The following CSTPP1 variants were observed in gnomAD, a reference collection of about 807,000 sequenced individuals.
CSTPP1 encodes the protein UPF0705 protein C11orf49.
the CSTPP1 span, among the ~76,000 whole-genome samples, chr11:47,102,153 T>C: frequency 1.3e-5 from 2 of 152,146 alleles, no homozygotes; most frequent in Non-Finnish European, 2.9e-5. Flanking sequence ...TCAAATAGGA[T>C]TATTGTAAAA....
chr11:47,147,713 G>A, the CSTPP1 span, among the ~76,000 whole-genome samples: 41 of 152,256 alleles, frequency 2.7e-4, no homozygotes, highest in African/African-American at 5.3e-4. Flanking sequence ...TGTGACTAGC[G>A]TCAGAGAGGC....
the CSTPP1 span, among the ~76,000 whole-genome samples, chr11:47,070,670 G>A: frequency 1.3e-5 from 2 of 152,058 alleles, no homozygotes; most frequent in African/African-American, 2.4e-5. Context: ...TTTTGGTTGG[G>A]ACCCAGGCAT....
At chr11:47,157,103 T>C in the CSTPP1 span, 161 of 1,614,132 alleles carry the variant, frequency 1.0e-4, no homozygotes, top group Admixed American at 7.8e-4. Flanking sequence ...GCCGACGTCG[T>C]CCAGTGGGCA....
At chr11:46,953,032 G>C in the CSTPP1 span, among the ~76,000 whole-genome samples, 1 of 152,190 alleles carries the variant, frequency 6.6e-6, no homozygotes, top group East Asian at 1.9e-4. Flanking sequence ...GTGAGAAAAA[G>C]GCAGTGCCAC....
At chr11:47,039,200 C>T in the CSTPP1 span, among the ~76,000 whole-genome samples, 1 of 127,382 alleles carries the variant, frequency 7.9e-6, no homozygotes, top group Non-Finnish European at 1.9e-5. Context: ...CACTGCACTC[C>T]AGCCTGGGCA....
At chr11:46,991,683 C>A in the CSTPP1 span, 1 of 152,428 alleles carries the variant, frequency 6.6e-6, no homozygotes, top group Non-Finnish European at 1.5e-5. Context: ...ATTTTACTCC[C>A]CTCCCCATCT....
the CSTPP1 span, among the ~76,000 whole-genome samples, chr11:46,993,315 C>T: frequency 6.7e-6 from 1 of 150,122 alleles, no homozygotes; most frequent in Admixed American, 6.6e-5. Context: ...AGTCCTTGCC[C>T]ATGCCTGTCC....
the CSTPP1 span, among the ~76,000 whole-genome samples, chr11:47,034,082 T>C: frequency 6.6e-6 from 1 of 151,684 alleles, no homozygotes; most frequent in South Asian, 2.1e-4. Flanking sequence ...GCATGTACCC[T>C]AGAACTTAAA....
chr11:46,938,780 C>CTTCT, the CSTPP1 span, among the ~76,000 whole-genome samples: 115 of 123,648 alleles, frequency 9.3e-4, no homozygotes, highest in Non-Finnish European at 1.1e-3. Flanking sequence ...TTTTCTTCTT[C>CTTCT]TTTTTTTTTT....
At chr11:47,109,589 C>T in the CSTPP1 span, among the ~76,000 whole-genome samples, 11 of 152,226 alleles carry the variant, frequency 7.2e-5, no homozygotes, top group Admixed American at 2.6e-4. Flanking sequence ...TCCTGTCAGT[C>T]GGTGACTTGA....
chr11:46,964,520 C>G, the CSTPP1 span, among the ~76,000 whole-genome samples: 3 of 152,246 alleles, frequency 2.0e-5, no homozygotes, highest in South Asian at 6.2e-4. Flanking sequence ...CTCCTGACCT[C>G]GTGATCCGCC....
At chr11:47,017,005 G>A in the CSTPP1 span, among the ~76,000 whole-genome samples, 1 of 149,456 alleles carries the variant, frequency 6.7e-6, no homozygotes, top group African/African-American at 2.5e-5. Flanking sequence ...ACCACGCCTG[G>A]CTAATTTTTT....
the CSTPP1 span, among the ~76,000 whole-genome samples, chr11:47,139,013 C>T: frequency 1.8e-4 from 16 of 91,220 alleles, no homozygotes; most frequent in East Asian, 1.0e-2. Context: ...AAAAAAAAAA[C>T]CTGAGCTAGG....
chr11:46,984,887 G>A, the CSTPP1 span, among the ~76,000 whole-genome samples: 32 of 152,220 alleles, frequency 2.1e-4, no homozygotes, highest in Middle Eastern at 3.4e-3. Flanking sequence ...AAATGCAGCT[G>A]ATTTTAATGT....
chr11:46,946,742 G>A, the CSTPP1 span, among the ~76,000 whole-genome samples: 1 of 152,228 alleles, frequency 6.6e-6, no homozygotes, highest in Non-Finnish European at 1.5e-5. Flanking sequence ...TCCTATTTAT[G>A]TCCTTCATAG....
At chr11:47,132,892 T>C in the CSTPP1 span, among the ~76,000 whole-genome samples, 1 of 152,158 alleles carries the variant, frequency 6.6e-6, no homozygotes, top group Admixed American at 6.5e-5. Flanking sequence ...GCTGTTTCCT[T>C]GAGAAAATGA....
At chr11:47,007,699 A>G in the CSTPP1 span, among the ~76,000 whole-genome samples, 1 of 150,876 alleles carries the variant, frequency 6.6e-6, no homozygotes, top group Middle Eastern at 3.2e-3. Flanking sequence ...ATTGTGTATG[A>G]GTTATGTAAA....
At chr11:47,132,648 G>A in the CSTPP1 span, among the ~76,000 whole-genome samples, 1 of 152,202 alleles carries the variant, frequency 6.6e-6, no homozygotes, top group Admixed American at 6.5e-5. Flanking sequence ...TGCAAAGTCA[G>A]AGTTCTGCAC....
the CSTPP1 span, among the ~76,000 whole-genome samples, chr11:47,069,760 G>A: frequency 6.6e-6 from 1 of 152,010 alleles, no homozygotes; most frequent in African/African-American, 2.4e-5. Flanking sequence ...CCAGGTTGGA[G>A]TGCAGTGGCA....
Sources: allele counts gnomAD v4.1 joint callset (sites outside exome capture counted in the v4.1 genomes callset), GRCh38; gene constraint gnomAD v4.1.1; transcripts MANE v1.5; gene names NCBI Gene and HGNC (gene_info 2026-07-23, HGNC 2026-07-21).